Variants in PIK3C2G observed in about 807,000 individuals in gnomAD.
The protein encoded by PIK3C2G is phosphatidylinositol 3-kinase C2 domain-containing subunit gamma.
PIK3C2G carries 168 observed loss-of-function variants against 181.1 expected under a neutral mutation model. That is an observed-to-expected ratio of 0.93 (90% CI 0.82 to 1.05). The LOEUF (loss-of-function observed/expected upper bound fraction) is 1.05. PIK3C2G is among the 50% of genes least tolerant of loss of function. The pLI is 0.00. For synonymous variants in PIK3C2G, 573 were observed against 592.2 expected (o/e 0.97, Z 0.47); for missense variants, 1,869 against 1,732.8 (o/e 1.08, Z -1.40).
At chr12:18,441,329 G>T (rs1592267256) in intron 18 of PIK3C2G, among the ~76,000 whole-genome samples, 2 of 152,150 alleles carry the variant, frequency 1.3e-5, no homozygotes, top group Non-Finnish European at 2.9e-5. Flanking sequence ...TAGGAGTTTT[G>T]CTAGGAAAGG....
At chr12:18,567,226 C>T (rs1474439051) in intron 29 of PIK3C2G, among the ~76,000 whole-genome samples, 169 bp downstream of exon 29, 1 of 151,956 alleles carries the variant, frequency 6.6e-6, no homozygotes, top group Non-Finnish European at 1.5e-5. Context: ...AACGAGACCT[C>T]ATCTCTACAA....
At chr12:18,537,839 C>A (rs1252825342) in intron 24 of PIK3C2G, among the ~76,000 whole-genome samples, 1 of 151,900 alleles carries the variant, frequency 6.6e-6, no homozygotes, top group Non-Finnish European at 1.5e-5. Context: ...CTATAAATAT[C>A]AGCTTCACTA....
Position 18,594,536 on chromosome 12 carries a change from CAA to C in PIK3C2G, c.4056_4057del (p.Gln1352HisfsTer3). On this transcript the variant is annotated frameshift_variant, in exon 30 of 33. Transcript: ENST00000538779. LOFTEE classifies it high-confidence loss of function. ...LSFFLSEAVQ[Q>X]TVEESSPVYL... is the part of the protein sequence containing the mutation. ...CTTTTTCCTCTCTGAGGCTGTGCAACAAACAGTTGAAGAATCATCACCTGTGT... is the reference window on the plus strand; with the variant it reads ...CTTTTTCCTCTCTGAGGCTGTGCAACACAGTTGAAGAATCATCACCTGTGT... 1 of 1,553,586 alleles carries C rather than the reference CAA, an allele frequency of 6.4e-7. No individual in the cohort carries two copies. The highest frequency in any genetic ancestry group is 8.7e-7 in the Non-Finnish European group (1 of 1,155,460).
intron 1 of PIK3C2G, among the ~76,000 whole-genome samples, chr12:18,250,404 T>C (rs974774135): frequency 7.2e-5 from 11 of 152,102 alleles, no homozygotes; most frequent in African/African-American, 2.4e-4. Flanking sequence ...TGAAAAATAA[T>C]ATATAGTTCT....
At chr12:18,331,920 G>A (rs1251656681) in intron 8 of PIK3C2G, among the ~76,000 whole-genome samples, 1 of 152,014 alleles carries the variant, frequency 6.6e-6, no homozygotes, top group Non-Finnish European at 1.5e-5. Flanking sequence ...ATGTACAAAT[G>A]CACGTATGGT....
intron 31 of PIK3C2G, among the ~76,000 whole-genome samples, chr12:18,626,963 C>T (rs1396211268): frequency 6.6e-6 from 1 of 151,930 alleles, no homozygotes; most frequent in Admixed American, 6.6e-5. Context: ...TTTAAATATG[C>T]TTTGTGACCC....
At position 18,346,792 on chromosome 12, in the gene PIK3C2G, C is replaced by G; in HGVS notation, c.1581C>G (p.Phe527Leu). ...LNPGLPSHLS[F>L]TVYAAHNIPE... is the part of the protein sequence containing the mutation. Reference sequence around the variant, plus strand: ...CCGGGCTTCCTTCCCACCTCAGCTTCACAGTGTATGCAGCACACAACATTC... The same window carrying G: ...CCGGGCTTCCTTCCCACCTCAGCTTGACAGTGTATGCAGCACACAACATTC... The change falls in exon 11 of 33, where the codon TTC becomes TTG. Residue 527 changes from phenylalanine (F) to leucine (L), a missense_variant. Phe to Leu is a conservative substitution (Grantham distance 22). Transcript: ENST00000538779. The G allele has an allele frequency of 6.2e-7, 1 of 1,613,730 alleles. No homozygotes were observed. Among genetic ancestry groups the G allele is most frequent in the Non-Finnish European group, 8.5e-7 (1 of 1,179,766 alleles).
At chr12:18,590,396 G>A (rs1947016038) in intron 29 of PIK3C2G, among the ~76,000 whole-genome samples, 1 of 151,826 alleles carries the variant, frequency 6.6e-6, no homozygotes, top group Non-Finnish European at 1.5e-5. Context: ...GTAAAAGTAT[G>A]TCCAAAATAT....
intron 22 of PIK3C2G, 101 bp downstream of exon 22, chr12:18,497,849 A>G (rs1461745615): frequency 1.1e-5 from 9 of 843,338 alleles, no homozygotes; most frequent in East Asian, 2.9e-5. Flanking sequence ...TTAAACTACA[A>G]GTTTGAAAAT....
At chr12:18,258,715 A>T (rs1409590761), upstream of PIK3C2G, among the ~76,000 whole-genome samples, 1 of 151,540 alleles carries the variant, frequency 6.6e-6, no homozygotes, top group Non-Finnish European at 1.5e-5. Flanking sequence ...TGATTCTTTG[A>T]TAATGAATAT....
intron 26 of PIK3C2G, among the ~76,000 whole-genome samples, chr12:18,555,340 A>G (rs1434777540): frequency 1.3e-5 from 2 of 152,128 alleles, no homozygotes; most frequent in Non-Finnish European, 1.5e-5. Context: ...GTCACATATC[A>G]ACATAAATGT....
rs1260852058 is a variant in PIK3C2G at position 18,511,870 on chromosome 12, CTTA to C, written c.3323+6411_3323+6413del. ...CTTTTGTTGCATGTGCTTTTGGGGT[CTTA>C]TCCAAAAAAAATTGCTGAGACCAAT... is the stretch of plus-strand genomic sequence containing the variant. On this transcript the variant is annotated intron_variant, in intron 24 of 32. Coordinates refer to ENST00000538779, the MANE Select transcript of PIK3C2G (RefSeq NM_001288772.2). Among the ~76,000 whole-genome samples, 13 of 151,910 alleles carry C rather than the reference CTTA, an allele frequency of 8.6e-5. No individual in the cohort carries two copies. In the East Asian group the frequency reaches 2.5e-3, roughly 29 times the overall value.
At chr12:18,510,647 T>C (rs181658339) in intron 24 of PIK3C2G, among the ~76,000 whole-genome samples, 306 of 152,324 alleles carry the variant, frequency 2.0e-3, no homozygotes, top group Non-Finnish European at 3.0e-3. Flanking sequence ...AAGGGCAATA[T>C]GACCAGTGTT....
At chr12:18,673,690 A>T in the PIK3C2G span, among the ~76,000 whole-genome samples, 1 of 152,176 alleles carries the variant, frequency 6.6e-6, no homozygotes, top group Non-Finnish European at 1.5e-5. Flanking sequence ...CCTCTGATTC[A>T]CTGTCTCTCA....
In PIK3C2G at chr12:18,375,046, C is replaced by T. The variant is rs146889076; in HGVS notation, c.1880+3735C>T. 1.2e-4 allele frequency among the ~76,000 whole-genome samples: 18 copies of T among 152,264 alleles called. No homozygotes were observed. The East Asian group carries it at 2.1e-3, about 18-fold the overall frequency. On this transcript the variant is annotated intron_variant, in intron 13 of 32. Coordinates refer to ENST00000538779, the MANE Select transcript of PIK3C2G (RefSeq NM_001288772.2). ...TTACAGCAATGCAAGAATGGCCTAA[C>T]CCAGAAAGTCGGTACCAGGAGTAGG...
chr12:18,701,528 A>C, the PIK3C2G span: 4 of 1,613,970 alleles, frequency 2.5e-6, no homozygotes, highest in Non-Finnish European at 3.4e-6. Flanking sequence ...GCATTACTCC[A>C]GGTAACTTTT....
At chr12:18,265,886 C>T (rs372103843) in intron 1 of PIK3C2G, among the ~76,000 whole-genome samples, 12 of 151,412 alleles carry the variant, frequency 7.9e-5, no homozygotes, top group African/African-American at 1.9e-4. Flanking sequence ...TGGTGGCAGG[C>T]GCCTGTAATC....
At chr12:18,657,074 C>A in the PIK3C2G span, among the ~76,000 whole-genome samples, 2 of 152,082 alleles carry the variant, frequency 1.3e-5, no homozygotes, top group Non-Finnish European at 2.9e-5. Context: ...CCCAAAAAAA[C>A]AAGCCCAAAG....
At chr12:18,620,544 A>AGATG (rs1261627787) in intron 31 of PIK3C2G, among the ~76,000 whole-genome samples, 57 of 151,704 alleles carry the variant, frequency 3.8e-4, no homozygotes, top group Admixed American at 3.4e-3. Flanking sequence ...ATAGATAGAT[A>AGATG]GATAGATAGA....
Sources: allele counts gnomAD v4.1 joint callset (sites outside exome capture counted in the v4.1 genomes callset), GRCh38; gene constraint gnomAD v4.1.1; transcripts MANE v1.5; gene names NCBI Gene and HGNC (gene_info 2026-07-23, HGNC 2026-07-21).